B3GNT3: variants seen among roughly 807,000 people sequenced by gnomAD.
B3GNT3 encodes the protein N-acetyllactosaminide beta-1,3-N-acetylglucosaminyltransferase 3.
A neutral mutation model predicts 11.6 loss-of-function variants in B3GNT3; 7 were observed. The observed-to-expected ratio is 0.60, with a 90% CI of 0.34 to 1.13. The LOEUF is 1.13. Ranked by LOEUF, B3GNT3 falls within the 50% of genes most tolerant of loss-of-function variation. The probability of loss-of-function intolerance (pLI) is 0.03; values close to 1 mark genes in which losing one functional copy is unlikely to be tolerated. For missense variants in B3GNT3, 400 were observed against 507.4 expected, an observed-to-expected ratio of 0.79 and a Z score of 2.03; for synonymous variants, 201 against 222.1, an observed-to-expected ratio of 0.90 and a Z score of 0.85.
chr19:17,802,215 C>T (rs1007666849), intron 1 of B3GNT3, among the ~76,000 whole-genome samples: 2 of 151,988 alleles, frequency 1.3e-5, no homozygotes, highest in Non-Finnish European at 2.9e-5. Context: ...GGTGACTTAT[C>T]TTGACTGAAT....
Position 17,812,658 on chromosome 19 carries a change from G to C in B3GNT3, c.*536G>C, listed in dbSNP as rs1299989539. 3 of 154,208 alleles carry C rather than the reference G, an allele frequency of 1.9e-5. No homozygotes were observed. The highest frequency in any genetic ancestry group is 4.3e-5 in the Non-Finnish European group (3 of 69,490). 9.6% of individuals were successfully genotyped at this position (154,208 alleles called of 1,614,324 possible). ...CTCAGAAGGTTGGGGGGATACCAGAGAGGTGGTGGAATAGGACCGCCCCCT... is the reference window on the plus strand; with the variant it reads ...CTCAGAAGGTTGGGGGGATACCAGACAGGTGGTGGAATAGGACCGCCCCCT... On this transcript the variant is annotated 3_prime_UTR_variant, in exon 3 of 3. Coordinates refer to ENST00000318683, the MANE Select transcript of B3GNT3 (RefSeq NM_014256.4).
chr19:17,806,696 G>A (rs2094173383), intron 1 of B3GNT3, among the ~76,000 whole-genome samples: 1 of 152,166 alleles, frequency 6.6e-6, no homozygotes, highest in African/African-American at 2.4e-5. Flanking sequence ...GCTCATGCCT[G>A]TAATCCCAGC....
intron 1 of B3GNT3, among the ~76,000 whole-genome samples, chr19:17,804,533 C>CTATTTTT (rs1836993268): frequency 1.8e-5 from 1 of 57,016 alleles, no homozygotes; most frequent in Non-Finnish European, 2.8e-5. Context: ...CCGTGCCCAG[C>CTATTTTT]TTTTTTTTTT....
intron 1 of B3GNT3, among the ~76,000 whole-genome samples, chr19:17,800,898 G>A (rs1019876673): frequency 6.6e-6 from 1 of 151,692 alleles, no homozygotes; most frequent in Non-Finnish European, 1.5e-5. Flanking sequence ...ACCCAGGAGG[G>A]TGCAACCTCC....
intron 1 of B3GNT3, among the ~76,000 whole-genome samples, chr19:17,803,912 A>G (rs1467741985): frequency 6.6e-6 from 1 of 152,056 alleles, no homozygotes; most frequent in Non-Finnish European, 1.5e-5. Flanking sequence ...CTGTAATCCC[A>G]GCGCTTTGGG....
At chr19:17,800,110 C>T (rs983569630) in intron 1 of B3GNT3, among the ~76,000 whole-genome samples, 1 of 152,128 alleles carries the variant, frequency 6.6e-6, no homozygotes, top group Non-Finnish European at 1.5e-5. Context: ...CGCAGTGGCT[C>T]ACTCCTGTAA....
At chr19:17,795,610 T>C (rs2094158697) in intron 1 of B3GNT3, among the ~76,000 whole-genome samples, 1 of 152,132 alleles carries the variant, frequency 6.6e-6, no homozygotes, top group African/African-American at 2.4e-5. Flanking sequence ...CCGGTTGGGT[T>C]TGGGAACTGC....
intron 1 of B3GNT3, among the ~76,000 whole-genome samples, chr19:17,796,564 A>G (rs1379223206): frequency 6.6e-6 from 1 of 152,090 alleles, no homozygotes; most frequent in African/African-American, 2.4e-5. Context: ...GCCTGTTCTC[A>G]AGGTGACACC....
At chr19:17,800,849 C>T (rs567408044) in intron 1 of B3GNT3, among the ~76,000 whole-genome samples, 1 of 152,096 alleles carries the variant, frequency 6.6e-6, no homozygotes, top group East Asian at 1.9e-4. Context: ...TGCCTGTAAT[C>T]CCTGCTACTC....
At chr19:17,795,324 G>A (rs368884387) in intron 1 of B3GNT3, 118 bp downstream of exon 1, 2 of 152,346 alleles carry the variant, frequency 1.3e-5, no homozygotes, top group East Asian at 1.9e-4. Context: ...CCCTGCAGAT[G>A]TGGGAACATT....
rs1298779931 is a variant in B3GNT3 at position 17,812,044 on chromosome 19, A to C, written c.1041A>C (p.Leu347=). The stretch of plus-strand genomic sequence containing the variant: ...ACCTGCTGCTGGTGCACCGCTTCCT[A>C]CCTTATGAGATGCTGCTCATGTGGG... ...YRDLLLVHRF[L]PYEMLLMWDA... The change falls in exon 3 of 3, where the codon CTA becomes CTC. Residue 347 remains leucine (L), a synonymous_variant. Transcript: ENST00000318683. 19 of 1,598,732 alleles carry C rather than the reference A, an allele frequency of 1.2e-5. No individual in the cohort carries two copies. Among genetic ancestry groups the C allele is most frequent in the Non-Finnish European group, 1.6e-5 (19 of 1,179,848 alleles).
Position 17,812,032 on chromosome 19 carries a change from G to A in B3GNT3, c.1029G>A (p.Val343=), listed in dbSNP as rs2094181742. The part of the protein sequence containing the change: ...DPCFYRDLLL[V]HRFLPYEMLL... Reference sequence around the variant, plus strand: ...GCTTCTACCGAGACCTGCTGCTGGTGCACCGCTTCCTACCTTATGAGATGC... The same window carrying A: ...GCTTCTACCGAGACCTGCTGCTGGTACACCGCTTCCTACCTTATGAGATGC... The change falls in exon 3 of 3, where the codon GTG becomes GTA. Residue 343 remains valine (V), a synonymous_variant. Coordinates refer to ENST00000318683, the MANE Select transcript of B3GNT3 (RefSeq NM_014256.4). The A allele has an allele frequency of 1.5e-5, 24 of 1,599,722 alleles. No individual in the cohort carries two copies. Among genetic ancestry groups the A allele is most frequent in the Non-Finnish European group, 2.0e-5 (24 of 1,179,944 alleles).
rs56140662 is a variant in B3GNT3, at chr19:17,807,111, A to AGTGTGTGT, written c.-50-620_-50-613dup. 1.1e-3 allele frequency among the ~76,000 whole-genome samples: 130 copies of AGTGTGTGT among 116,290 alleles called. 1 individual carries two copies. Among genetic ancestry groups the AGTGTGTGT allele is most frequent in the African/African-American group, 1.9e-3 (58 of 30,514 alleles). The allele number at this position is 116,290 out of a possible 152,430, so 76.3% of individuals were successfully genotyped here. On this transcript the variant is annotated intron_variant, in intron 1 of 2. Transcript: ENST00000318683. ...TTTGCAGTCAGGGAGCAGTGGCCCC[A>AGTGTGTGT]GTGTGTGTGTGTGTGTGTGTGTGTG...
intron 1 of B3GNT3, among the ~76,000 whole-genome samples, chr19:17,804,980 G>T (rs2094171366): frequency 6.6e-6 from 1 of 151,998 alleles, no homozygotes; most frequent in Non-Finnish European, 1.5e-5. Flanking sequence ...CTGAGTAGCT[G>T]GGACTACAGG....
chr19:17,808,119 G>C lies in B3GNT3; in HGVS notation c.312G>C (p.Ala104=). 6.2e-7 allele frequency: 1 copy of C among 1,613,768 alleles called. No individual in the cohort carries two copies. Among genetic ancestry groups the C allele is most frequent in the Non-Finnish European group, 8.5e-7 (1 of 1,179,880 alleles). The change falls in exon 2 of 3, where the codon GCG becomes GCC. Residue 104 remains alanine (A), a synonymous_variant. Transcript: ENST00000318683. The part of the protein sequence containing the change: ...LLQDVPPSKC[A]QPVFLLLVIK... ...AGGACGTGCCCCCCTCTAAGTGCGCGCAGCCGGTCTTCCTGCTGCTGGTGA... is the reference window on the plus strand; with the variant it reads ...AGGACGTGCCCCCCTCTAAGTGCGCCCAGCCGGTCTTCCTGCTGCTGGTGA...
Position 17,811,966 on chromosome 19 carries a change from C to G in B3GNT3, c.963C>G (p.Gly321=), listed in dbSNP as rs139434564. Reference sequence around the variant, plus strand: ...CCCACAGCGGCATCCGCACGTCTGGCGTGCGGGCTCCATCGCAACGCCTGT... The same window carrying G: ...CCCACAGCGGCATCCGCACGTCTGGGGTGCGGGCTCCATCGCAACGCCTGT... ...PASHSGIRTS[G]VRAPSQRLSS... The change falls in exon 3 of 3, where the codon GGC becomes GGG. Residue 321 remains glycine (G), a synonymous_variant. Transcript: ENST00000318683. The surrounding 1 kb of genome is among the most constrained non-coding windows in gnomAD (Gnocchi z 4.1). The G allele has an allele frequency of 6.2e-7, 1 of 1,608,230 alleles. No individual in the cohort carries two copies. Among genetic ancestry groups the G allele is most frequent in the Non-Finnish European group, 8.5e-7 (1 of 1,180,024 alleles).
chr19:17,804,533 C>T (rs1457674684), intron 1 of B3GNT3, among the ~76,000 whole-genome samples: 23 of 57,006 alleles, frequency 4.0e-4, no homozygotes, highest in South Asian at 1.6e-3. Context: ...CCGTGCCCAG[C>T]TTTTTTTTTT....
At position 17,811,251 on chromosome 19, in the gene B3GNT3, A is replaced by G. The variant is rs1377491192; in HGVS notation, c.568-320A>G. On this transcript the variant is annotated intron_variant, in intron 2 of 2. Transcript: ENST00000318683. This position sits in a 1 kb window ranked among gnomAD's most constrained non-coding sequence, Gnocchi z 4.1. Reference sequence around the variant, plus strand: ...AATTCATACAAATGATTATTTAACAACAGGGCTTGGCCAGGCAGAGTTGGA... The same window carrying G: ...AATTCATACAAATGATTATTTAACAGCAGGGCTTGGCCAGGCAGAGTTGGA... Among the ~76,000 whole-genome samples the G allele has an allele frequency of 6.6e-6, 1 of 152,192 alleles. No homozygotes were observed. Among genetic ancestry groups the G allele is most frequent in the Non-Finnish European group, 1.5e-5 (1 of 68,032 alleles).
At chr19:17,799,796 TAGGGGTATCCAGGCCTGGGA>T (rs1253287268) in intron 1 of B3GNT3, among the ~76,000 whole-genome samples, 1 of 53,296 alleles carries the variant, frequency 1.9e-5, no homozygotes, top group Non-Finnish European at 3.9e-5. Context: ...CCAGGCCGGT[TAGGGGTATCCAGGCCTGGGA>T]GTCCCTGAAG....
Sources: allele counts gnomAD v4.1 joint callset (sites outside exome capture counted in the v4.1 genomes callset), GRCh38; gene constraint gnomAD v4.1.1; non-coding constraint Gnocchi (gnomAD v3.1); transcripts MANE v1.5; gene names NCBI Gene and HGNC (gene_info 2026-07-23, HGNC 2026-07-21).